CSMD1: variants seen among roughly 807,000 people sequenced by gnomAD.
CSMD1 encodes the protein CUB and sushi domain-containing protein 1.
In CSMD1, 213 loss-of-function variants were observed where a neutral mutation model predicts 417.5. The ratio of observed to expected loss-of-function variants is 0.51; its 90% CI spans 0.46 to 0.57. CSMD1 has a LOEUF of 0.57. Among genes scored for constraint, CSMD1 ranks in the 20% least tolerant of loss-of-function variants. The pLI is 0.00. For synonymous variants in CSMD1, 2,862 were observed against 1,736.8 expected (o/e 1.65, Z -16.11); for missense variants, 6,923 against 4,529.7 (o/e 1.53, Z -15.17).
chr8:3,780,774 A>T (rs1248890258), intron 5 of CSMD1, among the ~76,000 whole-genome samples: 2 of 152,158 alleles, frequency 1.3e-5, no homozygotes, highest in African/African-American at 2.4e-5. Context: ...TTATACACAG[A>T]TTCATCTAAA....
At chr8:4,413,118 G>C (rs1037578164) in intron 3 of CSMD1, among the ~76,000 whole-genome samples, 1 of 152,154 alleles carries the variant, frequency 6.6e-6, no homozygotes, top group Non-Finnish European at 1.5e-5. Context: ...AATTAAGAAA[G>C]ATGGATATAT....
rs1277335820 is a variant in CSMD1, at chr8:4,336,299, T to C, written c.415+83654A>G. ...TTTATGTCAGAAGCTTTACTTTTAA[T>C]GCCACGTAGCCTCTGTAGAAAGGCA... On this transcript the variant is annotated intron_variant, in intron 3 of 69. Coordinates refer to ENST00000635120, the MANE Select transcript of CSMD1 (RefSeq NM_033225.6). Among the ~76,000 whole-genome samples, 5 of 152,266 alleles carry C rather than the reference T, an allele frequency of 3.3e-5. No homozygotes were observed. In the East Asian group the frequency reaches 9.7e-4, roughly 30 times the overall value.
intron 2 of CSMD1, among the ~76,000 whole-genome samples, chr8:4,560,378 T>G (rs1259338723): frequency 1.3e-5 from 2 of 152,230 alleles, no homozygotes; most frequent in African/African-American, 4.8e-5. Flanking sequence ...TCCTGAAAGA[T>G]AAATGTTCCT....
At chr8:4,454,181 A>T (rs1194231316) in intron 2 of CSMD1, among the ~76,000 whole-genome samples, 1 of 151,374 alleles carries the variant, frequency 6.6e-6, no homozygotes, top group African/African-American at 2.4e-5. Flanking sequence ...ATCAGTTCCT[A>T]CCCCATTCTG....
chr8:4,464,236 C>G (rs73660869), intron 2 of CSMD1, among the ~76,000 whole-genome samples: 1 of 152,130 alleles, frequency 6.6e-6, no homozygotes, highest in Admixed American at 6.5e-5. Flanking sequence ...TCTTAACATT[C>G]CCACATTAAC....
chr8:3,084,499 G>C (rs1049782488), intron 49 of CSMD1, among the ~76,000 whole-genome samples: 4 of 103,128 alleles, frequency 3.9e-5, no homozygotes, highest in Non-Finnish European at 8.1e-5. Context: ...ACTCTACCCT[G>C]GGCAACAAAA....
At chr8:4,314,356 C>G (rs1275329254) in intron 3 of CSMD1, among the ~76,000 whole-genome samples, 1 of 152,176 alleles carries the variant, frequency 6.6e-6, no homozygotes, top group Non-Finnish European at 1.5e-5. Context: ...TGCCATAGAA[C>G]ATTTCCTACA....
At chr8:3,586,437 A>G (rs1446475679) in intron 8 of CSMD1, among the ~76,000 whole-genome samples, 177 bp from the exon 9 acceptor site, 1 of 152,214 alleles carries the variant, frequency 6.6e-6, no homozygotes, top group Non-Finnish European at 1.5e-5. Context: ...AGCAAAGGTT[A>G]TAAAATCAAA....
At chr8:4,061,230 G>C (rs17403631) in intron 3 of CSMD1, among the ~76,000 whole-genome samples, 11,933 of 152,240 alleles carry the variant, frequency 0.078, 613 homozygotes, top group Non-Finnish European at 0.11. Context: ...TGATTAGAGA[G>C]GAAAGAGGAG....
In CSMD1 at chr8:4,994,380, G is replaced by C; in HGVS notation, c.37C>G (p.Leu13Val). Reference sequence around the variant, plus strand: ...GCGCACAGCACCAGCAGCCCGAGAAGCAGGAGCAGCGACTGGAATCTCCTC... The same window carrying C: ...GCGCACAGCACCAGCAGCCCGAGAACCAGGAGCAGCGACTGGAATCTCCTC... ...AWRRFQSLLL[L>V]LGLLVLCARL... The change falls in exon 1 of 70, where the codon CTT (leucine) becomes GTT (valine). Residue 13 changes from leucine to valine, a missense_variant. By Grantham distance (32) the Leu-to-Val change is conservative. Transcript: ENST00000635120. The C allele has an allele frequency of 6.2e-7, 1 of 1,612,272 alleles. No individual in the cohort carries two copies. Among genetic ancestry groups the C allele is most frequent in the Non-Finnish European group, 8.5e-7 (1 of 1,179,850 alleles).
chr8:3,604,634 C>A (rs1446390460), intron 8 of CSMD1, among the ~76,000 whole-genome samples: 1 of 151,992 alleles, frequency 6.6e-6, no homozygotes, highest in African/African-American at 2.4e-5. Context: ...GAAAAGGAAT[C>A]AAAGGAGCCA....
At chr8:3,699,487 G>C (rs1211035740) in intron 7 of CSMD1, among the ~76,000 whole-genome samples, 2 of 152,194 alleles carry the variant, frequency 1.3e-5, no homozygotes, top group African/African-American at 4.8e-5. Context: ...CTTTAAAGAG[G>C]ACTTGGTGGC....
At position 4,183,010 on chromosome 8, in the gene CSMD1, T is replaced by C. The variant is rs563841550; in HGVS notation, c.416-150911A>G. On this transcript the variant is annotated intron_variant, in intron 3 of 69. Transcript: ENST00000635120. ...CAAAGTCTTTCAAGTAAAGAGTAATTACATGGGATGAGTAGAAAGTACACG... is the reference window on the plus strand; with the variant it reads ...CAAAGTCTTTCAAGTAAAGAGTAATCACATGGGATGAGTAGAAAGTACACG... 8.5e-5 allele frequency among the ~76,000 whole-genome samples: 13 copies of C among 152,228 alleles called. 1 individual carries two copies. The South Asian group carries it at 2.5e-3, about 29-fold the overall frequency.
At chr8:3,228,783 A>G (rs1386327487) in intron 27 of CSMD1, among the ~76,000 whole-genome samples, 2 of 146,542 alleles carry the variant, frequency 1.4e-5, no homozygotes, top group East Asian at 2.0e-4. Flanking sequence ...AAATGGAAGG[A>G]AAAAAAAAAA....
At chr8:3,856,778 C>G (rs900203732) in intron 5 of CSMD1, among the ~76,000 whole-genome samples, 22 of 152,096 alleles carry the variant, frequency 1.4e-4, no homozygotes, top group Non-Finnish European at 2.2e-4. Flanking sequence ...CTGAAGGAGA[C>G]TGAGCATATT....
At chr8:4,474,447 T>G (rs897803474) in intron 2 of CSMD1, among the ~76,000 whole-genome samples, 1 of 152,072 alleles carries the variant, frequency 6.6e-6, no homozygotes, top group Non-Finnish European at 1.5e-5. Context: ...AGAAATTCTG[T>G]AGAATGGAGA....
intron 37 of CSMD1, among the ~76,000 whole-genome samples, chr8:3,170,410 G>A (rs1243388042): frequency 6.6e-6 from 1 of 152,002 alleles, no homozygotes. Context: ...GGGTTTCACT[G>A]TGTTAGCCAG....
At chr8:3,629,930 T>C (rs1196469061) in intron 7 of CSMD1, among the ~76,000 whole-genome samples, 1 of 152,210 alleles carries the variant, frequency 6.6e-6, no homozygotes, top group African/African-American at 2.4e-5. Context: ...GTCACAGTGT[T>C]TGTTTGTTGC....
rs1041708536 is a variant in CSMD1, at chr8:4,972,124, T to C, written c.85+22208A>G. 6.6e-5 allele frequency among the ~76,000 whole-genome samples: 10 copies of C among 152,114 alleles called. No individual in the cohort carries two copies. In the East Asian group the frequency reaches 1.7e-3, roughly 27 times the overall value. ...CTATCTGATAAAAGAAAGAGTAATA[T>C]CGTTATACGCTGCCCCTGTAGGTAG... On this transcript the variant is annotated intron_variant, in intron 1 of 69. Coordinates refer to ENST00000635120, the MANE Select transcript of CSMD1 (RefSeq NM_033225.6).
Sources: allele counts gnomAD v4.1 joint callset (sites outside exome capture counted in the v4.1 genomes callset), GRCh38; gene constraint gnomAD v4.1.1; transcripts MANE v1.5; gene names NCBI Gene and HGNC (gene_info 2026-07-23, HGNC 2026-07-21).